Variants in PTPRD observed in about 807,000 individuals in gnomAD.
PTPRD encodes receptor-type tyrosine-protein phosphatase delta.
A neutral mutation model predicts 214.5 loss-of-function variants in PTPRD; 34 were observed. The ratio of observed to expected loss-of-function variants is 0.16; its 90% CI spans 0.12 to 0.21. PTPRD has a LOEUF of 0.21. Among genes scored for constraint, PTPRD ranks in the 10% least tolerant of loss-of-function variants. The pLI, the probability that PTPRD is intolerant of heterozygous loss-of-function variation, is 1.00. For synonymous variants in PTPRD, 1,128 were observed against 845.7 expected (o/e 1.33, Z -5.79); for missense variants, 2,545 against 2,398.7 (o/e 1.06, Z -1.27).
intron 4 of PTPRD, among the ~76,000 whole-genome samples, chr9:9,941,896 C>T (rs1206033103): frequency 6.6e-6 from 1 of 152,146 alleles, no homozygotes; most frequent in African/African-American, 2.4e-5. Flanking sequence ...TATTAGCTAA[C>T]TATGACAACA....
At chr9:9,218,691 C>T (rs1300283837) in intron 9 of PTPRD, among the ~76,000 whole-genome samples, 1 of 151,996 alleles carries the variant, frequency 6.6e-6, no homozygotes, top group Non-Finnish European at 1.5e-5. Flanking sequence ...GACTGGTGAG[C>T]ACTGCAACTA....
chr9:10,596,882 G>T (rs1467583030), intron 2 of PTPRD, among the ~76,000 whole-genome samples: 2 of 151,448 alleles, frequency 1.3e-5, no homozygotes, highest in Admixed American at 1.3e-4. Flanking sequence ...CAATACATGA[G>T]ACATGACTGG....
chr9:9,154,757 G>C (rs375540069), intron 10 of PTPRD, among the ~76,000 whole-genome samples: 1 of 152,088 alleles, frequency 6.6e-6, no homozygotes, highest in Non-Finnish European at 1.5e-5. Flanking sequence ...TAAAAGAAGA[G>C]TGTAATCTGG....
chr9:10,272,061 A>G (rs898769138), intron 3 of PTPRD, among the ~76,000 whole-genome samples: 6 of 152,164 alleles, frequency 3.9e-5, no homozygotes, highest in African/African-American at 1.4e-4. Flanking sequence ...CCTTAGAAAG[A>G]AACCCCATAC....
intron 3 of PTPRD, among the ~76,000 whole-genome samples, chr9:10,201,545 C>T (rs1245822460): frequency 6.6e-6 from 1 of 151,788 alleles, no homozygotes; most frequent in African/African-American, 2.4e-5. Flanking sequence ...TTTTTAAAGG[C>T]TGAATAATAT....
chr9:9,875,764 G>T (rs1435021940), intron 5 of PTPRD, among the ~76,000 whole-genome samples: 5 of 151,920 alleles, frequency 3.3e-5, no homozygotes, highest in African/African-American at 1.2e-4. Flanking sequence ...AAAACATCCA[G>T]GTTTAAGACA....
intron 4 of PTPRD, among the ~76,000 whole-genome samples, chr9:9,975,615 A>C (rs529376972): frequency 6.6e-6 from 1 of 152,314 alleles, no homozygotes; most frequent in Non-Finnish European, 1.5e-5. Flanking sequence ...TCCCACATGC[A>C]TTAAAGTTTG....
intron 3 of PTPRD, among the ~76,000 whole-genome samples, chr9:10,093,017 C>T (rs547059386): frequency 4.0e-5 from 6 of 151,498 alleles, no homozygotes; most frequent in African/African-American, 1.4e-4. Flanking sequence ...AAACCTAGGA[C>T]ATACCTGTCT....
chr9:9,679,860 T>G (rs2154396713), intron 7 of PTPRD, among the ~76,000 whole-genome samples: 1 of 152,030 alleles, frequency 6.6e-6, no homozygotes, highest in South Asian at 2.1e-4. Flanking sequence ...ATCTGGAGTC[T>G]GTCAATAATT....
chr9:8,412,598 T>C (rs2093617885), intron 35 of PTPRD, among the ~76,000 whole-genome samples: 1 of 152,172 alleles, frequency 6.6e-6, no homozygotes, highest in African/African-American at 2.4e-5. Context: ...ACTAAAAGAA[T>C]GCTAGATGTT....
At position 10,355,385 on chromosome 9, in the gene PTPRD, A is replaced by G. The variant is rs117848453; in HGVS notation, c.-599-14368T>C. On this transcript the variant is annotated intron_variant, in intron 2 of 45. Coordinates refer to ENST00000381196, the MANE Select transcript of PTPRD (RefSeq NM_002839.4). ...ATGTGAACTGTTATATTTTTAAAAC[A>G]TATTGCACCATGGAATGTTTTGTTA... Among the ~76,000 whole-genome samples, 159 of 152,200 alleles carry G rather than the reference A, an allele frequency of 1.0e-3. 2 individuals carry two copies. In the East Asian group the frequency reaches 0.024, roughly 23 times the overall value.
At chr9:9,689,462 T>G (rs2154402670) in intron 7 of PTPRD, among the ~76,000 whole-genome samples, 1 of 152,060 alleles carries the variant, frequency 6.6e-6, no homozygotes, top group South Asian at 2.1e-4. Context: ...TCTATGATCT[T>G]AAATATTTAT....
chr9:8,497,501 T>A (rs1469345970), intron 25 of PTPRD, among the ~76,000 whole-genome samples: 2 of 152,332 alleles, frequency 1.3e-5, no homozygotes, highest in East Asian at 3.9e-4. Flanking sequence ...ATTCTTTAAA[T>A]GTATGGTTCA....
At chr9:9,621,390 C>G (rs573689450) in intron 7 of PTPRD, among the ~76,000 whole-genome samples, 2 of 152,118 alleles carry the variant, frequency 1.3e-5, no homozygotes, top group Non-Finnish European at 2.9e-5. Context: ...ATTATAGAAA[C>G]GCTCATAAAG....
intron 9 of PTPRD, among the ~76,000 whole-genome samples, chr9:9,230,211 T>C (rs938483339): frequency 6.6e-6 from 1 of 152,020 alleles, no homozygotes; most frequent in Admixed American, 6.6e-5. Flanking sequence ...AACTTCAGAA[T>C]GGGGCGGTTC....
chr9:8,365,818 T>C (rs897715622), intron 39 of PTPRD, among the ~76,000 whole-genome samples: 2 of 152,170 alleles, frequency 1.3e-5, no homozygotes, highest in South Asian at 4.2e-4. Context: ...ATGAAAAGCC[T>C]TGGGGAGAAA....
At chr9:9,415,951 A>T (rs2076872338) in intron 8 of PTPRD, among the ~76,000 whole-genome samples, 3 of 152,176 alleles carry the variant, frequency 2.0e-5, no homozygotes, top group Non-Finnish European at 4.4e-5. Context: ...AGTGCTTTTG[A>T]GTAACAGTGA....
chr9:9,957,631 A>G (rs2094033993), intron 4 of PTPRD, among the ~76,000 whole-genome samples: 1 of 152,144 alleles, frequency 6.6e-6, no homozygotes, highest in Non-Finnish European at 1.5e-5. Context: ...GTAGGGAAAT[A>G]TCTCTCATAA....
intron 14 of PTPRD, among the ~76,000 whole-genome samples, chr9:8,582,417 A>C (rs2093250025): frequency 6.6e-6 from 1 of 152,238 alleles, no homozygotes; most frequent in Non-Finnish European, 1.5e-5. Context: ...GACTACACTA[A>C]AATTAGGCTT....
Sources: allele counts gnomAD v4.1 joint callset (sites outside exome capture counted in the v4.1 genomes callset), GRCh38; gene constraint gnomAD v4.1.1; transcripts MANE v1.5; gene names NCBI Gene and HGNC (gene_info 2026-07-23, HGNC 2026-07-21).